The following NFATC2IP variants were observed in gnomAD, a reference collection of about 807,000 sequenced individuals.
NFATC2IP encodes the protein NFATC2-interacting protein.
NFATC2IP carries 25 observed loss-of-function variants against 40.2 expected under a neutral mutation model. The observed-to-expected ratio is 0.62, with a 90% confidence interval of 0.45 to 0.87. The LOEUF is 0.87. NFATC2IP is among the 40% of genes least tolerant of loss of function. NFATC2IP has a pLI of 0.00. For missense variants in NFATC2IP, 553 were observed against 555.6 expected (o/e 1.00, Z 0.05); for synonymous variants, 241 against 236.3 (o/e 1.02, Z -0.18).
intron 2 of NFATC2IP, among the ~76,000 whole-genome samples, chr16:28,954,169 A>G (rs1435807061): frequency 2.0e-5 from 3 of 152,112 alleles, no homozygotes; most frequent in African/African-American, 4.8e-5. Flanking sequence ...ACATTGCTAT[A>G]TGTCCCCGCA....
chr16:28,956,450 C>G (rs921362360), intron 5 of NFATC2IP, 113 bp downstream of exon 5: 1 of 717,090 alleles, frequency 1.4e-6, no homozygotes, highest in Admixed American at 2.8e-5. Context: ...CCATCCTGCT[C>G]TCTAGAGCTG....
chr16:28,965,011 C>G lies in NFATC2IP; in HGVS notation c.*1148C>G, dbSNP rs183096748. On this transcript the variant is annotated 3_prime_UTR_variant, in exon 8 of 8. Transcript: ENST00000320805. ...GTTTCTCTTTGGTTTTCCAGATTTT[C>G]TTTAGAACGGTGACTGACCCTCCTA... 1 of 152,304 alleles carries G rather than the reference C, an allele frequency of 6.6e-6. No homozygotes were observed. The highest frequency in any genetic ancestry group is 1.9e-4 in the East Asian group (1 of 5,178). The allele number at this position is 152,304 out of a possible 1,614,324, so 9.4% of individuals were successfully genotyped here.
chr16:28,956,429 TC>T, intron 5 of NFATC2IP, 92 bp downstream of exon 5: 1 of 911,294 alleles, frequency 1.1e-6, no homozygotes, highest in Non-Finnish European at 1.7e-6. Flanking sequence ...GAAGGGACTG[TC>T]ATCCTTTTCC....
intron 5 of NFATC2IP, chr16:28,957,480 TA>T (rs1250739190): frequency 4.0e-5 from 6 of 151,742 alleles, no homozygotes; most frequent in Admixed American, 3.9e-4. Flanking sequence ...TTGTCTCTAC[TA>T]AAAATAAAAA....
In NFATC2IP at chr16:28,964,113, C is replaced by G. The variant is rs1313142895; in HGVS notation, c.*250C>G. The G allele has an allele frequency of 4.2e-6, 2 of 478,106 alleles. No individual in the cohort carries two copies. Among genetic ancestry groups the G allele is most frequent in the East Asian group, 3.4e-5 (1 of 29,560 alleles). 29.6% of individuals were successfully genotyped at this position (478,106 alleles called of 1,614,324 possible). ...CAAGTCATGCTGAGTTTTGCAGCCT[C>G]TGTGACTTGGAGATGTCCCTTCACC... is the stretch of plus-strand genomic sequence containing the variant. On this transcript the variant is annotated 3_prime_UTR_variant, in exon 8 of 8. Transcript: ENST00000320805.
At chr16:28,962,912 G>C (rs1965102327) in intron 7 of NFATC2IP, among the ~76,000 whole-genome samples, 1 of 152,128 alleles carries the variant, frequency 6.6e-6, no homozygotes, top group South Asian at 2.1e-4. Context: ...GGCTGGGTGC[G>C]GGGGCTCACG....
At chr16:28,954,315 AAAT>A (rs1211813516) in intron 2 of NFATC2IP, among the ~76,000 whole-genome samples, 1 of 152,150 alleles carries the variant, frequency 6.6e-6, no homozygotes. Context: ...ATATTATAGA[AAAT>A]AATACCTGGT....
At chr16:28,956,637 C>G in intron 5 of NFATC2IP, 1 of 295,556 alleles carries the variant, frequency 3.4e-6, no homozygotes, top group East Asian at 6.6e-5. Context: ...CAGGCTGGTT[C>G]CGAACTCCTG....
Position 28,966,401 on chromosome 16 carries a change from G to C in NFATC2IP, c.*2538G>C, listed in dbSNP as rs1965146807. ...AGGCAGGAGGATTGCTTGAGCCCAG[G>C]AGTTTGAGACCAGCCTGGGCAACAC... On this transcript the variant is annotated 3_prime_UTR_variant, in exon 8 of 8. Coordinates refer to ENST00000320805, the MANE Select transcript of NFATC2IP (RefSeq NM_032815.4). The C allele has an allele frequency of 6.7e-6, 1 of 148,930 alleles. No individual in the cohort carries two copies. The highest frequency in any genetic ancestry group is 1.5e-5 in the Non-Finnish European group (1 of 67,678). The allele number at this position is 148,930 out of a possible 1,614,324, so 9.2% of individuals were successfully genotyped here.
chr16:28,959,939 AT>A (rs1402848811), intron 7 of NFATC2IP, among the ~76,000 whole-genome samples: 1 of 152,220 alleles, frequency 6.6e-6, no homozygotes, highest in African/African-American at 2.4e-5. Flanking sequence ...ATAGAAACCT[AT>A]TCCTGTACAC....
intron 3 of NFATC2IP, 48 bp from the exon 4 acceptor site, chr16:28,955,930 G>C: frequency 7.2e-7 from 1 of 1,385,776 alleles, no homozygotes; most frequent in Non-Finnish European, 1.0e-6. Flanking sequence ...GATTTGTGGG[G>C]CCAGTCTCTC....
chr16:28,962,007 G>A (rs997428257), intron 7 of NFATC2IP, among the ~76,000 whole-genome samples: 2 of 151,606 alleles, frequency 1.3e-5, no homozygotes, highest in Non-Finnish European at 2.9e-5. Context: ...GGGCTCAAGC[G>A]ATCCTTCTAC....
intron 3 of NFATC2IP, among the ~76,000 whole-genome samples, chr16:28,955,238 G>A (rs1410927584): frequency 6.6e-6 from 1 of 152,008 alleles, no homozygotes. Flanking sequence ...CCCAAACCTG[G>A]GGATAATAGT....
intron 5 of NFATC2IP, 86 bp downstream of exon 5, chr16:28,956,423 G>A (rs1965022958): frequency 2.1e-5 from 21 of 986,360 alleles, no homozygotes; most frequent in Non-Finnish European, 3.2e-5. Flanking sequence ...CTGGCAGAAG[G>A]GACTGTCATC....
intron 2 of NFATC2IP, 53 bp downstream of exon 2, chr16:28,952,257 A>G (rs1363859374): frequency 6.2e-7 from 1 of 1,610,330 alleles, no homozygotes; most frequent in South Asian, 1.1e-5. Context: ...CTCTTAAGAG[A>G]ATTCCTGGGG....
At chr16:28,958,593 G>C in intron 5 of NFATC2IP, 124 bp from the exon 6 acceptor site, 1 of 807,160 alleles carries the variant, frequency 1.2e-6, no homozygotes, top group Non-Finnish European at 2.0e-6. Flanking sequence ...AGGTAAATAT[G>C]ATGAAACTCA....
Position 28,951,384 on chromosome 16 carries a change from G to T in NFATC2IP, c.373G>T (p.Val125Leu). The T allele has an allele frequency of 7.1e-7, 1 of 1,402,932 alleles. No homozygotes were observed. The highest frequency in any genetic ancestry group is 1.6e-5 in the South Asian group (1 of 62,168). The allele number at this position is 1,402,932 out of a possible 1,614,324, so 86.9% of individuals were successfully genotyped here. A position where few individuals can be genotyped will look rare whatever the true frequency, so the allele number is the denominator to read the frequency against. Residue 125 changes from valine to leucine, a missense_variant, in exon 1 of 8, where the codon GTG becomes TTG. Transcript: ENST00000320805. ...TCCGGGGGAGGCGCCGCTGGTTCCG[G>T]TGTACTCGGGGAAGGTGCGCCCGGT... The part of the protein sequence containing the change: ...LDPGEAPLVP[V>L]YSGKVKSSLR...
rs9922735 is a variant in NFATC2IP, at chr16:28,964,391, G to A, written c.*528G>A. On this transcript the variant is annotated 3_prime_UTR_variant, in exon 8 of 8. Coordinates refer to ENST00000320805, the MANE Select transcript of NFATC2IP (RefSeq NM_032815.4). ...CAAGCTCACACATGCTGGCTGAAGC[G>A]TAAGCAGACAACTGAGGTACTCTTT... The A allele has an allele frequency of 0.022, 3,401 of 155,722 alleles. 131 individuals carry two copies. The highest frequency in any genetic ancestry group is 0.078 in the African/African-American group (3,226 of 41,584). 9.6% of individuals were successfully genotyped at this position (155,722 alleles called of 1,614,324 possible).
intron 2 of NFATC2IP, among the ~76,000 whole-genome samples, chr16:28,953,352 C>T (rs61587226): frequency 0.11 from 16,617 of 152,156 alleles, 2,148 homozygotes; most frequent in South Asian, 0.32. Flanking sequence ...GGATTACAGG[C>T]GTGAGCCACC....
Sources: allele counts gnomAD v4.1 joint callset (sites outside exome capture counted in the v4.1 genomes callset), GRCh38; gene constraint gnomAD v4.1.1; transcripts MANE v1.5; gene names NCBI Gene and HGNC (gene_info 2026-07-23, HGNC 2026-07-21).